KLHL8: variants seen among roughly 807,000 people sequenced by gnomAD.
KLHL8 encodes the protein kelch-like protein 8.
Under a neutral mutation model 63.5 loss-of-function variants are expected in KLHL8, and 38 were observed. That is an observed-to-expected ratio of 0.60 (90% confidence interval 0.46 to 0.78). The LOEUF (loss-of-function observed/expected upper bound fraction) is 0.78. Among genes scored for constraint, KLHL8 ranks in the 30% least tolerant of loss-of-function variants. The pLI is 0.00. For missense variants in KLHL8, 566 were observed against 752.4 expected, an observed-to-expected ratio of 0.75 and a Z score of 2.90; for synonymous variants, 224 against 254.3, an observed-to-expected ratio of 0.88 and a Z score of 1.13.
At chr4:87,223,009 G>T (rs1391423285), upstream of KLHL8, among the ~76,000 whole-genome samples, 1 of 152,144 alleles carries the variant, frequency 6.6e-6, no homozygotes, top group Non-Finnish European at 1.5e-5. Context: ...CTAGAGTGCA[G>T]TGAGTAGCAC....
At chr4:87,182,466 G>T (rs1378923162) in intron 4 of KLHL8, among the ~76,000 whole-genome samples, 1 of 151,910 alleles carries the variant, frequency 6.6e-6, no homozygotes, top group African/African-American at 2.4e-5. Flanking sequence ...TGCATATTTA[G>T]ATTGCACCAT....
At chr4:87,228,946 T>C (rs1733084037) in intron 1 of KLHL8, among the ~76,000 whole-genome samples, 1 of 152,244 alleles carries the variant, frequency 6.6e-6, no homozygotes, top group African/African-American at 2.4e-5. Context: ...GAAGCTCAAA[T>C]TCTCAGCTTC....
chr4:87,169,419 ACATT>A (rs1241688992), intron 8 of KLHL8, among the ~76,000 whole-genome samples: 3 of 152,258 alleles, frequency 2.0e-5, no homozygotes, highest in Admixed American at 6.5e-5. Context: ...GTAGCAAAGC[ACATT>A]CAATCTGTGT....
At chr4:87,214,569 A>G (rs1732528187) in intron 1 of KLHL8, among the ~76,000 whole-genome samples, 1 of 151,392 alleles carries the variant, frequency 6.6e-6, no homozygotes. Flanking sequence ...GGCCCAGAGA[A>G]GTTAAGACAC....
chr4:87,235,911 G>T (rs1578413926), intron 1 of KLHL8, among the ~76,000 whole-genome samples: 1 of 152,114 alleles, frequency 6.6e-6, no homozygotes, highest in South Asian at 2.1e-4. Flanking sequence ...AGGAGGGTGC[G>T]GGGGAAGGGG....
intron 3 of KLHL8, among the ~76,000 whole-genome samples, chr4:87,183,795 C>A (rs1160719585): frequency 1.3e-5 from 2 of 152,102 alleles, no homozygotes; most frequent in Non-Finnish European, 2.9e-5. Flanking sequence ...TGTTCTTTTG[C>A]CTTTTTAAGC....
At chr4:87,165,556 G>A (rs1172882636) in intron 8 of KLHL8, among the ~76,000 whole-genome samples, 1 of 151,320 alleles carries the variant, frequency 6.6e-6, no homozygotes, top group African/African-American at 2.4e-5. Flanking sequence ...ACCACTCCTG[G>A]CTAATTTTTT....
At position 87,163,943 on chromosome 4, in the gene KLHL8, T is replaced by C. The variant is rs1182479424; in HGVS notation, c.1674A>G (p.Ala558=). ...ATGCATTGCCATTATGACCACCAAC[T>C]GCAAAGATTTTGCCCATCACTGTTG... ...GIATVMGKIF[A]VGGHNGNAYL... Residue 558 remains alanine, a synonymous_variant, in exon 9 of 10, where the codon GCA becomes GCG. Transcript: ENST00000273963. 1.2e-6 allele frequency: 2 copies of C among 1,614,214 alleles called. No homozygotes were observed. Among genetic ancestry groups the C allele is most frequent in the Admixed American group, 3.3e-5 (2 of 60,030 alleles).
intron 1 of KLHL8, among the ~76,000 whole-genome samples, chr4:87,203,697 A>C (rs1465817814): frequency 6.6e-6 from 1 of 150,446 alleles, no homozygotes; most frequent in Non-Finnish European, 1.5e-5. Flanking sequence ...ATATAACTAT[A>C]CCTAAAACAA....
chr4:87,163,696 A>T, intron 9 of KLHL8, 54 bp from the exon 10 acceptor site: 4 of 1,602,782 alleles, frequency 2.5e-6, no homozygotes, highest in Non-Finnish European at 3.4e-6. Context: ...TTTACTCAAA[A>T]TACTAACCAA....
intron 1 of KLHL8, among the ~76,000 whole-genome samples, chr4:87,196,251 T>C (rs1399281442): frequency 1.3e-5 from 2 of 151,984 alleles, no homozygotes; most frequent in African/African-American, 4.8e-5. Flanking sequence ...TATTTTACTA[T>C]CAAGTGCAGA....
Position 87,163,076 on chromosome 4 carries a change from A to C in KLHL8, c.*443T>G, listed in dbSNP as rs1334086418. 6.6e-6 allele frequency: 1 copy of C among 152,342 alleles called. No homozygotes were observed. The highest frequency in any genetic ancestry group is 2.4e-5 in the African/African-American group (1 of 41,458). The allele number at this position is 152,342 out of a possible 1,614,324, so 9.4% of individuals were successfully genotyped here. ...GTAGAAATGATCTTCAAAAGGGGCA[A>C]GTCTCTTATGTATCCTTGTGTTAAT... On this transcript the variant is annotated 3_prime_UTR_variant, in exon 10 of 10. Coordinates refer to ENST00000273963, the MANE Select transcript of KLHL8 (RefSeq NM_020803.5).
intron 1 of KLHL8, among the ~76,000 whole-genome samples, chr4:87,235,391 G>A (rs1465381937): frequency 6.6e-6 from 1 of 152,302 alleles, no homozygotes; most frequent in East Asian, 1.9e-4. Flanking sequence ...TGTAGCCTAG[G>A]AGCAGTAGGC....
intron 8 of KLHL8, among the ~76,000 whole-genome samples, chr4:87,165,560 AT>A (rs774095649): frequency 2.3e-3 from 333 of 142,142 alleles, no homozygotes; most frequent in Admixed American, 2.6e-3. Flanking sequence ...CTCCTGGCTA[AT>A]TTTTTTTTTT....
At chr4:87,164,481 A>G (rs1730300187) in intron 8 of KLHL8, among the ~76,000 whole-genome samples, 1 of 152,238 alleles carries the variant, frequency 6.6e-6, no homozygotes, top group Non-Finnish European at 1.5e-5. Context: ...GTAAGAAGGC[A>G]TAAGAAAGGA....
Position 87,170,349 on chromosome 4 carries a change from T to C in KLHL8, c.1377+98A>G. The C allele has an allele frequency of 2.8e-6, 4 of 1,418,236 alleles. No individual in the cohort carries two copies. In the South Asian group the frequency reaches 4.1e-5, roughly 14 times the overall value. The allele number at this position is 1,418,236 out of a possible 1,614,324, so 87.9% of individuals were successfully genotyped here. On this transcript the variant is annotated intron_variant, in intron 7 of 9. Transcript: ENST00000273963. The stretch of plus-strand genomic sequence containing the variant: ...GTATTTCAGGAAATAATATGATATA[T>C]AATATCTTCATACTGGTGATGATAT...
chr4:87,187,340 T>C (rs1488433709), intron 2 of KLHL8, among the ~76,000 whole-genome samples: 1 of 151,832 alleles, frequency 6.6e-6, no homozygotes, highest in African/African-American at 2.4e-5. Flanking sequence ...AGATTATAGG[T>C]GTGAGCCATT....
intron 4 of KLHL8, among the ~76,000 whole-genome samples, chr4:87,179,330 A>G (rs1404148477): frequency 6.6e-6 from 1 of 152,192 alleles, no homozygotes; most frequent in East Asian, 1.9e-4. Flanking sequence ...AACTACTGCA[A>G]AATCCTGTCC....
intron 6 of KLHL8, among the ~76,000 whole-genome samples, chr4:87,175,387 G>A (rs1324407889): frequency 6.6e-6 from 1 of 151,866 alleles, no homozygotes; most frequent in African/African-American, 2.4e-5. Flanking sequence ...TTTTTTAAGA[G>A]CTGTGTTTCA....
Sources: gnomAD v4.1 joint callset for allele counts (sites outside exome capture counted in the v4.1 genomes callset) on GRCh38, gnomAD v4.1.1 for gene constraint, MANE v1.5 for transcripts, NCBI Gene and HGNC (gene_info 2026-07-23, HGNC 2026-07-21) for gene names.